The following RAD51 variants were observed in gnomAD, a reference collection of about 807,000 sequenced individuals.
RAD51 encodes the protein DNA repair protein RAD51 homolog 1.
RAD51 carries 14 observed loss-of-function variants against 41.5 expected under a neutral mutation model. That is an observed-to-expected ratio of 0.34 (90% CI 0.22 to 0.53). The LOEUF (loss-of-function observed/expected upper bound fraction) is 0.53, where lower values mean the gene tolerates loss of function less well. RAD51 is among the 20% of genes least tolerant of loss of function. RAD51 has a pLI of 0.95. For synonymous variants in RAD51, 136 were observed against 148.6 expected, an observed-to-expected ratio of 0.92 and a Z score of 0.62; for missense variants, 234 against 422.0, an observed-to-expected ratio of 0.55 and a Z score of 3.90.
intron 5 of RAD51, among the ~76,000 whole-genome samples, chr15:40,715,084 A>C (rs1367591969): frequency 2.6e-5 from 4 of 152,244 alleles, no homozygotes; most frequent in South Asian, 2.1e-4. Context: ...CCATGCGGGC[A>C]TGGTGGCTCA....
At chr15:40,725,727 G>A (rs768435329) in intron 6 of RAD51, among the ~76,000 whole-genome samples, 11 of 152,274 alleles carry the variant, frequency 7.2e-5, no homozygotes, top group Non-Finnish European at 1.3e-4. Context: ...GGTGGCTCAC[G>A]CCTGTAATCC....
At position 40,698,837 on chromosome 15, in the gene RAD51, C is replaced by T. The variant is rs756713380; in HGVS notation, c.79C>T (p.Arg27Trp). 2.5e-6 allele frequency: 4 copies of T among 1,613,762 alleles called. No individual in the cohort carries two copies. In the African/African-American group the frequency reaches 4.0e-5, roughly 16 times the overall value. ...EESFGPQPIS[R>W]LEQCGINAND... ...AAGCTTTGGCCCACAACCCATTTCA[C>T]GGTTAGAGGTATGTGGTTAGTTGCT... Residue 27 changes from arginine to tryptophan, a missense_variant, in exon 2 of 10, where the codon CGG becomes TGG. By Grantham distance (101) the Arg-to-Trp change is moderately radical. Transcript: ENST00000267868.
chr15:40,708,841 TG>T (rs56258720), intron 4 of RAD51, among the ~76,000 whole-genome samples, 183 bp from the exon 5 acceptor site: 2 of 152,238 alleles, frequency 1.3e-5, no homozygotes, highest in African/African-American at 4.8e-5. Context: ...CCTAAAGTGC[TG>T]GGATTACAGG....
intron 5 of RAD51, among the ~76,000 whole-genome samples, chr15:40,712,591 C>A (rs1567044971): frequency 6.6e-6 from 1 of 152,326 alleles, no homozygotes; most frequent in East Asian, 1.9e-4. Flanking sequence ...GGATGTGCTG[C>A]ATAAGTGGCC....
chr15:40,724,279 G>A (rs1481903024), intron 6 of RAD51, among the ~76,000 whole-genome samples: 1 of 152,136 alleles, frequency 6.6e-6, no homozygotes, highest in Non-Finnish European at 1.5e-5. Flanking sequence ...ATCATGTACA[G>A]CATTCATACT....
At chr15:40,697,179 C>A (rs1415913368) in intron 1 of RAD51, among the ~76,000 whole-genome samples, 3 of 152,206 alleles carry the variant, frequency 2.0e-5, no homozygotes, top group African/African-American at 7.2e-5. Context: ...TGGCTCACCG[C>A]AACCTCCGCC....
In RAD51 at chr15:40,728,691, T is replaced by C. The variant is rs1226367217; in HGVS notation, c.531-20T>C. ...CTGAGTTCTGTGTGCAGCCTAAAAATGTTCTCTCCTCTCTCATAGGTATGG... is the reference window on the plus strand; with the variant it reads ...CTGAGTTCTGTGTGCAGCCTAAAAACGTTCTCTCCTCTCTCATAGGTATGG... On this transcript the variant is annotated intron_variant, in intron 6 of 9. Transcript: ENST00000267868. The C allele has an allele frequency of 6.3e-7, 1 of 1,599,400 alleles. No individual in the cohort carries two copies. The highest frequency in any genetic ancestry group is 8.6e-7 in the Non-Finnish European group (1 of 1,167,002).
At position 40,707,937 on chromosome 15, in the gene RAD51, C is replaced by T. The variant is rs1421900942; in HGVS notation, c.344-1088C>T. 2.7e-5 allele frequency among the ~76,000 whole-genome samples: 4 copies of T among 150,114 alleles called. No individual in the cohort carries two copies. In the East Asian group the frequency reaches 8.0e-4, roughly 30 times the overall value. On this transcript the variant is annotated intron_variant, in intron 4 of 9. Transcript: ENST00000267868. ...TTCACCGTCTTGGCCAGGCTGGTCT[C>T]AAAGTCCTGACCTCCTGATCCATCC...
chr15:40,710,196 T>C (rs1189137241), intron 5 of RAD51, among the ~76,000 whole-genome samples: 1 of 116,898 alleles, frequency 8.6e-6, no homozygotes, highest in African/African-American at 3.5e-5. Flanking sequence ...GAGCCGAGAT[T>C]GCGCCACTGC....
intron 6 of RAD51, among the ~76,000 whole-genome samples, chr15:40,722,135 G>A (rs1896305635): frequency 6.6e-6 from 1 of 152,196 alleles, no homozygotes; most frequent in African/African-American, 2.4e-5. Context: ...ACTGAGGCCA[G>A]GCGTGGTGGC....
intron 4 of RAD51, among the ~76,000 whole-genome samples, chr15:40,708,135 C>T (rs1403873843): frequency 1.3e-5 from 2 of 150,620 alleles, no homozygotes; most frequent in Non-Finnish European, 3.0e-5. Flanking sequence ...CTTCTGCCTC[C>T]GCCTCCCGAG....
intron 5 of RAD51, among the ~76,000 whole-genome samples, chr15:40,717,997 C>T (rs1431378907): frequency 4.6e-5 from 7 of 152,148 alleles, no homozygotes; most frequent in African/African-American, 1.4e-4. Context: ...TTTAAGAGGC[C>T]GAGGCGGGCA....
chr15:40,727,138 T>C (rs557086113), intron 6 of RAD51, among the ~76,000 whole-genome samples: 1 of 152,196 alleles, frequency 6.6e-6, no homozygotes, highest in African/African-American at 2.4e-5. Flanking sequence ...TTTTTAATTT[T>C]ATAAATAGAG....
chr15:40,707,095 ATCT>A lies in RAD51; in HGVS notation c.343+805_343+807del, dbSNP rs529209228. Among the ~76,000 whole-genome samples, 12 of 145,090 alleles carry A rather than the reference ATCT, an allele frequency of 8.3e-5. No homozygotes were observed. In the South Asian group the frequency reaches 2.6e-3, roughly 32 times the overall value. On this transcript the variant is annotated intron_variant, in intron 4 of 9. Transcript: ENST00000267868. Reference sequence around the variant, plus strand: ...AACCTCTGCTTCCTGGGCTCAAGTGATCTTCTAGCCTCAGTCTCCCCAAGCTAG... The same window carrying A: ...AACCTCTGCTTCCTGGGCTCAAGTGATCTAGCCTCAGTCTCCCCAAGCTAG...
chr15:40,711,365 C>T (rs1895697776), intron 5 of RAD51, among the ~76,000 whole-genome samples: 1 of 152,204 alleles, frequency 6.6e-6, no homozygotes, highest in Admixed American at 6.5e-5. Context: ...GAGGTCGAGG[C>T]TCCAGTGACT....
chr15:40,704,257 G>A (rs1382426017), intron 3 of RAD51, among the ~76,000 whole-genome samples: 2 of 151,016 alleles, frequency 1.3e-5, no homozygotes, highest in African/African-American at 2.4e-5. Flanking sequence ...GTAGAGACAG[G>A]GTTTCACCGT....
At chr15:40,713,807 C>T (rs1159010706) in intron 5 of RAD51, among the ~76,000 whole-genome samples, 1 of 151,198 alleles carries the variant, frequency 6.6e-6, no homozygotes, top group South Asian at 2.1e-4. Context: ...AGGTTTTCAC[C>T]GTATTAGCCA....
intron 7 of RAD51, 131 bp from the exon 8 acceptor site, chr15:40,729,374 A>C (rs1197591180): frequency 2.4e-5 from 2 of 82,770 alleles, no homozygotes; most frequent in Non-Finnish European, 3.3e-5. Context: ...CTCCATCTCA[A>C]AAAAAAAAAA....
chr15:40,728,112 G>A (rs896388590), intron 6 of RAD51, among the ~76,000 whole-genome samples: 2 of 151,980 alleles, frequency 1.3e-5, no homozygotes, highest in African/African-American at 2.4e-5. Context: ...CACCTGCCTC[G>A]GCATCCCAAA....
Sources: gnomAD v4.1 joint callset for allele counts (sites outside exome capture counted in the v4.1 genomes callset) on GRCh38, gnomAD v4.1.1 for gene constraint, MANE v1.5 for transcripts, NCBI Gene and HGNC (gene_info 2026-07-23, HGNC 2026-07-21) for gene names.